The following LIFR variants were observed in gnomAD, a reference collection of about 807,000 sequenced individuals.
LIFR encodes the protein LIF receptor subunit alpha.
In LIFR, 84 loss-of-function variants were observed where a neutral mutation model predicts 122.2. The observed-to-expected ratio is 0.69, with a 90% CI of 0.58 to 0.82. The LOEUF (loss-of-function observed/expected upper bound fraction) is 0.82, where lower values mean the gene tolerates loss of function less well. LIFR is among the 40% of genes least tolerant of loss of function. The probability of loss-of-function intolerance (pLI) is 0.00; values close to 1 mark genes in which losing one functional copy is unlikely to be tolerated. For synonymous variants in LIFR, 422 were observed against 434.7 expected (o/e 0.97, Z 0.36); for missense variants, 1,294 against 1,311.6 (o/e 0.99, Z 0.21).
At chr5:38,505,362 G>A (rs1396664995) in intron 9 of LIFR, among the ~76,000 whole-genome samples, 1 of 150,904 alleles carries the variant, frequency 6.6e-6, no homozygotes, top group African/African-American at 2.4e-5. Context: ...TGCATGTGGT[G>A]GTGGTTACCT....
At chr5:38,547,192 C>CA (rs1246446731) in intron 1 of LIFR, among the ~76,000 whole-genome samples, 2 of 152,106 alleles carry the variant, frequency 1.3e-5, no homozygotes, top group African/African-American at 4.8e-5. Context: ...TTGTCACCTG[C>CA]AAGTCTTGTC....
intron 1 of LIFR, among the ~76,000 whole-genome samples, chr5:38,582,145 C>G (rs946357180): frequency 2.0e-5 from 3 of 151,468 alleles, no homozygotes; most frequent in African/African-American, 7.3e-5. Flanking sequence ...ACTGCAGCCT[C>G]GAACTCCTGG....
intron 4 of LIFR, among the ~76,000 whole-genome samples, chr5:38,525,170 G>A (rs1001693334): frequency 1.3e-5 from 2 of 152,188 alleles, no homozygotes; most frequent in African/African-American, 4.8e-5. Context: ...ATAAATCATG[G>A]AAAATTTTGG....
At chr5:38,552,963 C>T (rs1481284646) in intron 1 of LIFR, among the ~76,000 whole-genome samples, 1 of 152,154 alleles carries the variant, frequency 6.6e-6, no homozygotes, top group East Asian at 1.9e-4. Flanking sequence ...GTTGCTAGCC[C>T]CCTGGAGCTT....
In LIFR at chr5:38,502,690, A is replaced by T. The variant is rs766255111; in HGVS notation, c.1547T>A (p.Phe516Tyr). 1 of 1,613,586 alleles carries T rather than the reference A, an allele frequency of 6.2e-7. No homozygotes were observed. Among genetic ancestry groups the T allele is most frequent in the African/African-American group, 1.3e-5 (1 of 74,922 alleles). ...TFRIRCSTET[F>Y]WKWSKWSNKK... Reference sequence around the variant, plus strand: ...ATTGCTCCATTTGCTCCATTTCCAGAAAGTTTCAGTAGAACAACGAATCCG... The same window carrying T: ...ATTGCTCCATTTGCTCCATTTCCAGTAAGTTTCAGTAGAACAACGAATCCG... The change falls in exon 11 of 20, where the codon TTC becomes TAC. Residue 516 changes from phenylalanine to tyrosine, a missense_variant. By Grantham distance (22) the Phe-to-Tyr change is conservative. Coordinates refer to ENST00000453190, the MANE Select transcript of LIFR (RefSeq NM_001127671.2).
intron 5 of LIFR, among the ~76,000 whole-genome samples, chr5:38,520,159 C>T (rs1185658424): frequency 1.3e-5 from 2 of 152,034 alleles, no homozygotes; most frequent in Non-Finnish European, 1.5e-5. Flanking sequence ...TTAATAATAG[C>T]CATTCTAATA....
chr5:38,512,845 G>T (rs535853901), intron 5 of LIFR, among the ~76,000 whole-genome samples: 166 of 152,096 alleles, frequency 1.1e-3, no homozygotes, highest in Non-Finnish European at 1.8e-3. Context: ...GTAATTAATG[G>T]GGTTGCACTT....
intron 1 of LIFR, among the ~76,000 whole-genome samples, chr5:38,586,182 T>C (rs1309241400): frequency 6.6e-6 from 1 of 152,174 alleles, no homozygotes; most frequent in Non-Finnish European, 1.5e-5. Context: ...CGGGTGTCAA[T>C]GAAAAGCCCC....
At position 38,553,622 on chromosome 5, in the gene LIFR, CTATATATATATATATATATATA is replaced by C. The variant is rs66547796; in HGVS notation, c.-20+2690_-20+2711del. Among the ~76,000 whole-genome samples the C allele has an allele frequency of 6.6e-3, 276 of 41,640 alleles. 6 individuals are homozygous for C. Among genetic ancestry groups the C allele is most frequent in the Admixed American group, 0.011 (33 of 2,974 alleles). The allele number at this position is 41,640 out of a possible 152,430, so 27.3% of individuals were successfully genotyped here. On this transcript the variant is annotated intron_variant, in intron 1 of 19. Transcript: ENST00000453190. ...CTAAGAGGAGTTTGGACCATTTAAA[CTATATATATATATATATATATA>C]TATATATATATATATATATATATAT...
chr5:38,497,534 T>C (rs776243994), intron 12 of LIFR, among the ~76,000 whole-genome samples: 11 of 152,230 alleles, frequency 7.2e-5, no homozygotes, highest in Non-Finnish European at 1.3e-4. Context: ...TTTTAAAAAA[T>C]AGCATCATGG....
chr5:38,521,156 A>G (rs1746376668), intron 5 of LIFR, among the ~76,000 whole-genome samples: 1 of 152,060 alleles, frequency 6.6e-6, no homozygotes, highest in Non-Finnish European at 1.5e-5. Flanking sequence ...TACTTGGTTA[A>G]ATTTATTCCT....
At chr5:38,553,622 C>CTATATATATATATA (rs66547796) in intron 1 of LIFR, among the ~76,000 whole-genome samples, 5 of 41,630 alleles carry the variant, frequency 1.2e-4, no homozygotes, top group African/African-American at 1.2e-4. Flanking sequence ...ACCATTTAAA[C>CTATATATATATATA]TATATATATA....
intron 1 of LIFR, among the ~76,000 whole-genome samples, chr5:38,551,211 T>C (rs1373258762): frequency 1.3e-5 from 2 of 152,200 alleles, no homozygotes; most frequent in South Asian, 2.1e-4. Flanking sequence ...CACTAAGGCA[T>C]GAAGCATGGC....
rs1403175560 is a variant in LIFR at position 38,481,854 on chromosome 5, G to C, written c.3035C>G (p.Thr1012Ser). The change falls in exon 20 of 20, where the codon ACT becomes AGT. Residue 1012 changes from threonine (T) to serine (S), a missense_variant. Transcript: ENST00000453190. ...KPQMHLPINS[T>S]VEDIAAEEDL... Reference sequence around the variant, plus strand: ...CTCTTCTGCAGCTATATCTTCCACAGTAGAATTAATGGGGAGGTGCATCTG... The same window carrying C: ...CTCTTCTGCAGCTATATCTTCCACACTAGAATTAATGGGGAGGTGCATCTG... 6.2e-7 allele frequency: 1 copy of C among 1,614,160 alleles called. No homozygotes were observed. Among genetic ancestry groups the C allele is most frequent in the Non-Finnish European group, 8.5e-7 (1 of 1,180,028 alleles).
rs759640361 is a variant in LIFR, at chr5:38,484,883, T to C, written c.2498-15A>G. 7.0e-6 allele frequency: 11 copies of C among 1,568,998 alleles called. No individual in the cohort carries two copies. In the East Asian group the frequency reaches 1.3e-4, roughly 19 times the overall value. On this transcript the variant is annotated splice_polypyrimidine_tract_variant and intron_variant, in intron 17 of 19. Coordinates refer to ENST00000453190, the MANE Select transcript of LIFR (RefSeq NM_001127671.2). Reference sequence around the variant, plus strand: ...TAATCCCACAGCTGAAACGAGAGTATTGCAAATATTAAAATCGCCATTTTT... The same window carrying C: ...TAATCCCACAGCTGAAACGAGAGTACTGCAAATATTAAAATCGCCATTTTT...
At chr5:38,573,876 T>A (rs2112721838) in intron 1 of LIFR, among the ~76,000 whole-genome samples, 1 of 152,294 alleles carries the variant, frequency 6.6e-6, no homozygotes, top group East Asian at 1.9e-4. Flanking sequence ...CTCAGCATTT[T>A]GGGAGCCTGA....
chr5:38,518,977 A>C (rs952321857), intron 5 of LIFR, among the ~76,000 whole-genome samples: 1 of 152,228 alleles, frequency 6.6e-6, no homozygotes, highest in Non-Finnish European at 1.5e-5. Context: ...TTAAAGAAAA[A>C]TAATTTTTAA....
At chr5:38,553,725 A>G (rs980439902) in intron 1 of LIFR, among the ~76,000 whole-genome samples, 1 of 142,928 alleles carries the variant, frequency 7.0e-6, no homozygotes, top group Non-Finnish European at 1.5e-5. Flanking sequence ...CTAGTCCTAA[A>G]AGCCCTCAAA....
chr5:38,511,466 CTGTTT>C (rs1363084064), intron 6 of LIFR, among the ~76,000 whole-genome samples: 4 of 151,428 alleles, frequency 2.6e-5, no homozygotes, highest in African/African-American at 9.7e-5. Flanking sequence ...AAATTGGGAA[CTGTTT>C]TGTTTTTTTT....
Sources: allele counts gnomAD v4.1 joint callset (sites outside exome capture counted in the v4.1 genomes callset), GRCh38; gene constraint gnomAD v4.1.1; transcripts MANE v1.5; gene names NCBI Gene and HGNC (gene_info 2026-07-23, HGNC 2026-07-21).